DPYD: variants seen among roughly 807,000 people sequenced by gnomAD.
DPYD encodes the protein dihydropyrimidine dehydrogenase, also known as dihydropyrimidine dehydrogenase [NADP(+)].
DPYD carries 109 observed loss-of-function variants against 116.2 expected under a neutral mutation model. That is an observed-to-expected ratio of 0.94 (90% CI 0.80 to 1.10). The LOEUF (loss-of-function observed/expected upper bound fraction) is 1.10. Among genes scored for constraint, DPYD ranks in the 50% least tolerant of loss-of-function variants. The pLI, the probability that DPYD is intolerant of heterozygous loss-of-function variation, is 0.00. For missense variants in DPYD, 1,302 were observed against 1,254.5 expected, an observed-to-expected ratio of 1.04 and a Z score of -0.57; for synonymous variants, 440 against 432.0, an observed-to-expected ratio of 1.02 and a Z score of -0.23.
At chr1:97,688,084 C>G (rs1200405142) in intron 7 of DPYD, among the ~76,000 whole-genome samples, 2 of 152,018 alleles carry the variant, frequency 1.3e-5, no homozygotes, top group Non-Finnish European at 2.9e-5. Flanking sequence ...ACACGTTTAC[C>G]TATGTAACAA....
chr1:97,885,802 G>A (rs1457543179), intron 1 of DPYD, among the ~76,000 whole-genome samples: 1 of 152,054 alleles, frequency 6.6e-6, no homozygotes, highest in Non-Finnish European at 1.5e-5. Context: ...CTGATCCAAA[G>A]ATGAGGGCTA....
At chr1:97,712,836 A>G (rs1272124910) in intron 5 of DPYD, among the ~76,000 whole-genome samples, 1 of 152,086 alleles carries the variant, frequency 6.6e-6, no homozygotes, top group Non-Finnish European at 1.5e-5. Context: ...GCAGCTTTCT[A>G]TAAGCCTCAG....
At chr1:97,117,514 T>C (rs1652071494) in intron 20 of DPYD, among the ~76,000 whole-genome samples, 1 of 152,206 alleles carries the variant, frequency 6.6e-6, no homozygotes, top group South Asian at 2.1e-4. Flanking sequence ...ACATTCATTC[T>C]ATAAAGTTAA....
intron 16 of DPYD, among the ~76,000 whole-genome samples, chr1:97,363,044 A>G (rs1051056576): frequency 6.6e-6 from 1 of 152,222 alleles, no homozygotes; most frequent in African/African-American, 2.4e-5. Context: ...AAATTTCTGC[A>G]ATCTACCCAT....
chr1:97,260,377 T>C (rs1663798017), intron 18 of DPYD, among the ~76,000 whole-genome samples: 1 of 152,086 alleles, frequency 6.6e-6, no homozygotes, highest in African/African-American at 2.4e-5. Context: ...GATAGTATTC[T>C]GTACTATCAT....
At chr1:97,573,370 T>C (rs79917705) in intron 11 of DPYD, among the ~76,000 whole-genome samples, 12,806 of 152,154 alleles carry the variant, frequency 0.084, 768 homozygotes, top group Middle Eastern at 0.14. Context: ...AATTCTATTT[T>C]TGGCCATTCA....
intron 2 of DPYD, among the ~76,000 whole-genome samples, chr1:97,834,873 A>G (rs1042121242): frequency 6.6e-6 from 1 of 151,980 alleles, no homozygotes; most frequent in African/African-American, 2.4e-5. Context: ...GAAGTTCTTT[A>G]TAAGTACAAG....
chr1:97,386,001 T>C (rs1672321750), intron 14 of DPYD, among the ~76,000 whole-genome samples: 1 of 152,000 alleles, frequency 6.6e-6, no homozygotes, highest in South Asian at 2.1e-4. Context: ...ATACAGAGAG[T>C]TGTTCAGGAC....
At chr1:97,253,044 A>G (rs1663211831) in intron 18 of DPYD, among the ~76,000 whole-genome samples, 1 of 152,226 alleles carries the variant, frequency 6.6e-6, no homozygotes, top group African/African-American at 2.4e-5. Context: ...TGTATTTCCC[A>G]TATCCAGCAC....
chr1:97,095,727 A>T (rs983225414), intron 21 of DPYD, among the ~76,000 whole-genome samples: 1 of 152,060 alleles, frequency 6.6e-6, no homozygotes, highest in Non-Finnish European at 1.5e-5. Context: ...ATTTGTTATA[A>T]CAGATTTAAT....
At chr1:97,325,495 G>A (rs1330678561) in intron 16 of DPYD, among the ~76,000 whole-genome samples, 2 of 151,952 alleles carry the variant, frequency 1.3e-5, no homozygotes, top group South Asian at 4.1e-4. Flanking sequence ...ATGAGCACTT[G>A]CAACTATCCT....
chr1:97,473,096 AC>A (rs1161662523), intron 13 of DPYD, among the ~76,000 whole-genome samples: 1 of 152,174 alleles, frequency 6.6e-6, no homozygotes, highest in African/African-American at 2.4e-5. Flanking sequence ...GTAAGTGTGT[AC>A]CCTTTAATCA....
intron 16 of DPYD, among the ~76,000 whole-genome samples, chr1:97,366,265 G>C (rs1372253849): frequency 6.6e-6 from 1 of 152,096 alleles, no homozygotes; most frequent in Non-Finnish European, 1.5e-5. Context: ...ACATAATATA[G>C]TATAAAGCAG....
chr1:97,831,904 G>T (rs1021127399), intron 2 of DPYD, among the ~76,000 whole-genome samples: 14 of 151,930 alleles, frequency 9.2e-5, no homozygotes, highest in Admixed American at 2.0e-4. Context: ...GGTCACAAAG[G>T]TACTAAATTT....
chr1:97,867,519 C>T (rs1049607601), intron 2 of DPYD, among the ~76,000 whole-genome samples: 2 of 151,816 alleles, frequency 1.3e-5, no homozygotes, highest in African/African-American at 4.8e-5. Flanking sequence ...AAGGACCATT[C>T]ACCATAATCA....
chr1:97,574,947 G>C (rs1653167999), intron 10 of DPYD, among the ~76,000 whole-genome samples: 1 of 152,128 alleles, frequency 6.6e-6, no homozygotes, highest in Non-Finnish European at 1.5e-5. Flanking sequence ...GCTTTGTCAA[G>C]ATGGAAAAAC....
chr1:97,360,896 T>A (rs1406887390), intron 16 of DPYD, among the ~76,000 whole-genome samples: 1 of 151,888 alleles, frequency 6.6e-6, no homozygotes, highest in Non-Finnish European at 1.5e-5. Context: ...TTAAAAGAAC[T>A]AGAGAAGCAA....
At chr1:97,920,149 T>C (rs1216318497) in intron 1 of DPYD, among the ~76,000 whole-genome samples, 1 of 152,186 alleles carries the variant, frequency 6.6e-6, no homozygotes, top group Non-Finnish European at 1.5e-5. Context: ...AATTAAATCC[T>C]TTTCATCGCA....
At chr1:97,168,017 GT>G (rs974224124) in intron 20 of DPYD, among the ~76,000 whole-genome samples, 1 of 152,088 alleles carries the variant, frequency 6.6e-6, no homozygotes, top group African/African-American at 2.4e-5. Context: ...ATGTTTTCTA[GT>G]TTGGATGACA....
Sources: gnomAD v4.1 joint callset for allele counts (sites outside exome capture counted in the v4.1 genomes callset) on GRCh38, gnomAD v4.1.1 for gene constraint, MANE v1.5 for transcripts, NCBI Gene and HGNC (gene_info 2026-07-23, HGNC 2026-07-21) for gene names.